The following CADPS variants were observed in gnomAD, a reference collection of about 807,000 sequenced individuals.
CADPS encodes the protein calcium dependent secretion activator.
Under a neutral mutation model 167.3 loss-of-function variants are expected in CADPS, and 57 were observed. The observed-to-expected ratio is 0.34, with a 90% CI of 0.28 to 0.42. The LOEUF is 0.42. CADPS is among the 20% of genes least tolerant of loss of function. The probability of loss-of-function intolerance (pLI) is 1.00; values close to 1 mark genes in which losing one functional copy is unlikely to be tolerated. For missense variants in CADPS, 1,414 were observed against 1,738.1 expected (o/e 0.81, Z 3.32); for synonymous variants, 676 against 635.3 (o/e 1.06, Z -0.96).
rs866485152 is a variant in CADPS, at chr3:62,875,315, C to G, written c.-286G>C. On this transcript the variant is annotated 5_prime_UTR_variant, in exon 1 of 30. Coordinates refer to ENST00000383710, the MANE Select transcript of CADPS (RefSeq NM_003716.4). ...TCAATTGCGAGCCCCGAGCCCGCAG[C>G]CGGATGCCATCTGCGGCTGCTGAAG... The G allele has an allele frequency of 9.4e-6, 2 of 213,184 alleles. No homozygotes were observed. Among genetic ancestry groups the G allele is most frequent in the Middle Eastern group, 1.5e-3 (1 of 662 alleles). The allele number at this position is 213,184 out of a possible 1,614,324, so 13.2% of individuals were successfully genotyped here.
intron 17 of CADPS, among the ~76,000 whole-genome samples, chr3:62,509,081 T>C (rs2067223633): frequency 6.6e-6 from 1 of 151,842 alleles, no homozygotes; most frequent in Admixed American, 6.6e-5. Context: ...GGTGGGTGGA[T>C]CACTTGAGGC....
At chr3:62,493,279 T>C (rs763646085) in intron 19 of CADPS, among the ~76,000 whole-genome samples, 4 of 152,144 alleles carry the variant, frequency 2.6e-5, no homozygotes, top group Admixed American at 6.6e-5. Context: ...TGCATGCATG[T>C]TGACTAATCA....
Position 62,420,877 on chromosome 3 carries a change from C to T in CADPS, c.3777+17227G>A, listed in dbSNP as rs2051170238. 7.6e-6 allele frequency among the ~76,000 whole-genome samples: 1 copy of T among 131,380 alleles called. No homozygotes were observed. The highest frequency in any genetic ancestry group is 1.6e-5 in the Non-Finnish European group (1 of 62,736). The allele number at this position is 131,380 out of a possible 152,430, so 86.2% of individuals were successfully genotyped here. A position where few individuals can be genotyped will look rare whatever the true frequency, so the allele number is the denominator to read the frequency against. ...GGGAGAACGAACACACACACACACA[C>T]ACACACACACACACACACACACACA... On this transcript the variant is annotated intron_variant, in intron 28 of 29. Transcript: ENST00000383710. This position sits in a 1 kb window ranked among gnomAD's most constrained non-coding sequence, Gnocchi z 4.1.
intron 29 of CADPS, among the ~76,000 whole-genome samples, chr3:62,400,071 A>G (rs1374352927): frequency 6.6e-6 from 1 of 152,234 alleles, no homozygotes; most frequent in African/African-American, 2.4e-5. Context: ...TGTCTCATTC[A>G]TAAGACAGAC....
At chr3:62,513,506 C>T (rs760716788) in intron 16 of CADPS, 27 of 613,832 alleles carry the variant, frequency 4.4e-5, no homozygotes, top group Non-Finnish European at 2.6e-5. Context: ...GTTTCACAGA[C>T]AGAACCAACA....
chr3:62,515,961 G>A (rs978333095), intron 16 of CADPS, 98 bp downstream of exon 16: 68 of 1,446,766 alleles, frequency 4.7e-5, no homozygotes, highest in African/African-American at 1.4e-5. Context: ...TACTCAGACG[G>A]ACCACTGTTT....
chr3:62,736,507 C>T (rs955579877), intron 3 of CADPS, among the ~76,000 whole-genome samples: 5 of 152,140 alleles, frequency 3.3e-5, no homozygotes, highest in Non-Finnish European at 7.4e-5. Context: ...TTTAAATAAG[C>T]ATTTTTTATA....
chr3:62,847,106 C>G (rs1267260522), intron 1 of CADPS, among the ~76,000 whole-genome samples: 1 of 152,094 alleles, frequency 6.6e-6, no homozygotes, highest in East Asian at 1.9e-4. Context: ...TTTCTAGTAG[C>G]CTCCTAAGTC....
Position 62,753,835 on chromosome 3 carries a change from T to G in CADPS, c.556-62A>C. The G allele has an allele frequency of 6.7e-7, 1 of 1,482,994 alleles. No homozygotes were observed. The highest frequency in any genetic ancestry group is 9.1e-7 in the Non-Finnish European group (1 of 1,093,402). The allele number at this position is 1,482,994 out of a possible 1,614,324, so 91.9% of individuals were successfully genotyped here. On this transcript the variant is annotated intron_variant, in intron 2 of 29. Transcript: ENST00000383710. This position sits in a 1 kb window ranked among gnomAD's most constrained non-coding sequence, Gnocchi z 4.6. Reference sequence around the variant, plus strand: ...GTTTACCACAGAGGTACCAGTTCCCTGGGGCTGGACACTGGGCCAGTCCAC... The same window carrying G: ...GTTTACCACAGAGGTACCAGTTCCCGGGGGCTGGACACTGGGCCAGTCCAC...
intron 12 of CADPS, among the ~76,000 whole-genome samples, chr3:62,535,198 C>T (rs965838947): frequency 4.6e-5 from 7 of 151,112 alleles, no homozygotes; most frequent in South Asian, 4.2e-4. Context: ...AGAAAAATTG[C>T]CTTGCAATGC....
chr3:62,533,429 G>T (rs1009063722), intron 12 of CADPS, among the ~76,000 whole-genome samples: 2 of 152,096 alleles, frequency 1.3e-5, no homozygotes, highest in Non-Finnish European at 2.9e-5. Context: ...TGGCAAAGTC[G>T]TGGTTACTGA....
At chr3:62,612,575 T>C (rs1033973684) in intron 6 of CADPS, among the ~76,000 whole-genome samples, 4 of 152,224 alleles carry the variant, frequency 2.6e-5, no homozygotes, top group Admixed American at 1.3e-4. Context: ...AATAAATTAA[T>C]TGAGTAAGGG....
At chr3:62,776,089 G>T (rs1057290203) in intron 1 of CADPS, among the ~76,000 whole-genome samples, 1 of 152,170 alleles carries the variant, frequency 6.6e-6, no homozygotes, top group African/African-American at 2.4e-5. Flanking sequence ...AAATCACCTT[G>T]CAGACTTCCA....
At chr3:62,687,203 T>A (rs1475567201) in intron 3 of CADPS, among the ~76,000 whole-genome samples, 4 of 152,120 alleles carry the variant, frequency 2.6e-5, no homozygotes, top group Admixed American at 1.3e-4. Flanking sequence ...ATCCCTCCCA[T>A]CTGTTCTTGT....
intron 3 of CADPS, among the ~76,000 whole-genome samples, chr3:62,745,589 C>G (rs1399945059): frequency 6.6e-6 from 1 of 152,120 alleles, no homozygotes; most frequent in African/African-American, 2.4e-5. Context: ...AAGTTTATGC[C>G]TGGAAGATTA....
At chr3:62,445,231 T>G (rs757160880) in intron 27 of CADPS, among the ~76,000 whole-genome samples, 5 of 152,214 alleles carry the variant, frequency 3.3e-5, no homozygotes, top group Non-Finnish European at 7.3e-5. Flanking sequence ...ATAAGCAGTT[T>G]TATGAGGTTT....
chr3:62,491,899 T>C (rs954908224), intron 20 of CADPS, among the ~76,000 whole-genome samples: 39 of 152,190 alleles, frequency 2.6e-4, no homozygotes, highest in Non-Finnish European at 4.1e-4. Flanking sequence ...TTTATGGCTG[T>C]TGTCACTATA....
rs1024570928 is a variant in CADPS at position 62,601,556 on chromosome 3, C to T, written c.1326-8808G>A. 3.9e-5 allele frequency among the ~76,000 whole-genome samples: 6 copies of T among 152,158 alleles called. No individual in the cohort carries two copies. The highest frequency in any genetic ancestry group is 8.8e-5 in the Non-Finnish European group (6 of 68,028). On this transcript the variant is annotated intron_variant, in intron 6 of 29. Transcript: ENST00000383710. The surrounding 1 kb of genome is among the most constrained non-coding windows in gnomAD (Gnocchi z 4.3). ...CAAAGACAGCTGACCCCATGGGGAT[C>T]CAATTTGCTGCTCTAAATTCTTCAT...
At chr3:62,873,095 T>A (rs1560037246) in intron 1 of CADPS, among the ~76,000 whole-genome samples, 2 of 152,208 alleles carry the variant, frequency 1.3e-5, no homozygotes, top group African/African-American at 2.4e-5. Context: ...GGGCCACAGA[T>A]AAAGATGGAG....
Sources: allele counts gnomAD v4.1 joint callset (sites outside exome capture counted in the v4.1 genomes callset), GRCh38; gene constraint gnomAD v4.1.1; non-coding constraint Gnocchi (gnomAD v3.1); transcripts MANE v1.5; gene names NCBI Gene and HGNC (gene_info 2026-07-23, HGNC 2026-07-21).